COL22A1: variants seen among roughly 807,000 people sequenced by gnomAD.
The protein encoded by COL22A1 is collagen alpha-1(XXII) chain.
A neutral mutation model predicts 248.9 loss-of-function variants in COL22A1; 221 were observed. That is an observed-to-expected ratio of 0.89 (90% CI 0.80 to 0.99). The LOEUF (loss-of-function observed/expected upper bound fraction) is 0.99, where lower values mean the gene tolerates loss of function less well. COL22A1 is among the 50% of genes least tolerant of loss of function. The pLI is 0.00. For synonymous variants in COL22A1, 891 were observed against 793.4 expected, an observed-to-expected ratio of 1.12 and a Z score of -2.07; for missense variants, 2,240 against 2,179.0, an observed-to-expected ratio of 1.03 and a Z score of -0.56.
chr8:138,902,146 C>T (rs147942342), intron 1 of COL22A1, among the ~76,000 whole-genome samples: 76 of 152,236 alleles, frequency 5.0e-4, no homozygotes, highest in Non-Finnish European at 1.6e-4. Flanking sequence ...GTGAGGCGCT[C>T]CATGAGAGAG....
At chr8:138,750,055 G>T (rs1832462082) in intron 22 of COL22A1, among the ~76,000 whole-genome samples, 1 of 151,974 alleles carries the variant, frequency 6.6e-6, no homozygotes, top group East Asian at 1.9e-4. Flanking sequence ...AGAGCTGATG[G>T]TTTTAAAAAC....
chr8:138,820,723 T>C (rs533400518), intron 7 of COL22A1, among the ~76,000 whole-genome samples: 2 of 152,352 alleles, frequency 1.3e-5, no homozygotes, highest in African/African-American at 4.8e-5. Flanking sequence ...TATATTCATA[T>C]ACATATGTAT....
Position 138,660,979 on chromosome 8 carries a change from CACACACAT to C in COL22A1, c.3241-507_3241-500del, listed in dbSNP as rs1330412865. On this transcript the variant is annotated intron_variant, in intron 43 of 64. Transcript: ENST00000303045. Reference sequence around the variant, plus strand: ...AGACACACACGCACACACACATACACACACACATACACACATACACATACACAGACACA... The same window carrying C: ...AGACACACACGCACACACACATACACACACACATACACATACACAGACACA... 2.7e-4 allele frequency among the ~76,000 whole-genome samples: 37 copies of C among 137,782 alleles called. 1 individual carries two copies. The highest frequency in any genetic ancestry group is 1.0e-3 in the African/African-American group (35 of 33,866). 90.4% of individuals were successfully genotyped at this position (137,782 alleles called of 152,430 possible).
chr8:138,597,252 T>G lies in COL22A1; in HGVS notation c.4366-282A>C, dbSNP rs114789734. The stretch of plus-strand genomic sequence containing the variant: ...CAGCGTATTCACTGGATTTCCTTCC[T>G]GCTGAAGCCACTGTGCCCATTAATT... On this transcript the variant is annotated intron_variant, in intron 61 of 64. Transcript: ENST00000303045. 1.4e-3 allele frequency among the ~76,000 whole-genome samples: 210 copies of G among 152,334 alleles called. 1 individual carries two copies. The highest frequency in any genetic ancestry group is 4.8e-3 in the African/African-American group (201 of 41,580).
At chr8:138,639,529 GT>G (rs1821480921) in intron 47 of COL22A1, among the ~76,000 whole-genome samples, 1 of 152,160 alleles carries the variant, frequency 6.6e-6, no homozygotes, top group South Asian at 2.1e-4. Flanking sequence ...TTCAGAAGAG[GT>G]TTATTAAAGA....
chr8:138,722,287 G>A (rs1341625525), intron 25 of COL22A1, 198 bp from the exon 26 acceptor site: 4 of 584,772 alleles, frequency 6.8e-6, no homozygotes, highest in Non-Finnish European at 1.2e-5. Context: ...TACTACTGAA[G>A]CAAATATCAC....
intron 5 of COL22A1, among the ~76,000 whole-genome samples, chr8:138,830,991 G>T (rs922685139): frequency 2.6e-5 from 4 of 152,150 alleles, no homozygotes; most frequent in African/African-American, 9.7e-5. Context: ...CTGGGAAAAT[G>T]ACTCTCTCAA....
chr8:138,666,290 T>A (rs1309823942), intron 41 of COL22A1, among the ~76,000 whole-genome samples: 3 of 152,202 alleles, frequency 2.0e-5, no homozygotes, highest in African/African-American at 7.2e-5. Flanking sequence ...GATGAATGAA[T>A]AACTCACACC....
intron 1 of COL22A1, among the ~76,000 whole-genome samples, chr8:138,886,128 G>A (rs1216017036): frequency 6.6e-6 from 1 of 152,112 alleles, no homozygotes; most frequent in Non-Finnish European, 1.5e-5. Flanking sequence ...TCTCCCCTCT[G>A]ATCCTTTGTC....
At chr8:138,660,955 GACACACACGCACA>G (rs1823856928) in intron 43 of COL22A1, among the ~76,000 whole-genome samples, 1 of 27,006 alleles carries the variant, frequency 3.7e-5, no homozygotes, top group African/African-American at 1.0e-4. Flanking sequence ...TAAACACACA[GACACACACGCACA>G]CACACATACA....
chr8:138,649,621 T>C, intron 46 of COL22A1, 44 bp downstream of exon 46: 1 of 1,583,272 alleles, frequency 6.3e-7, no homozygotes, highest in South Asian at 1.1e-5. Context: ...AGAATGATAT[T>C]TTCATTGTAA....
intron 1 of COL22A1, among the ~76,000 whole-genome samples, chr8:138,891,502 C>T (rs1376538067): frequency 6.6e-6 from 1 of 152,214 alleles, no homozygotes; most frequent in Non-Finnish European, 1.5e-5. Context: ...CTCATAAGTG[C>T]AGTAGCCACT....
chr8:138,607,129 C>T (rs947412402), intron 57 of COL22A1, among the ~76,000 whole-genome samples: 16 of 152,096 alleles, frequency 1.1e-4, no homozygotes, highest in African/African-American at 3.6e-4. Context: ...AGTAGGTTTC[C>T]CAGGATGCAG....
At chr8:138,696,614 G>A (rs906809225) in intron 32 of COL22A1, among the ~76,000 whole-genome samples, 12 of 152,208 alleles carry the variant, frequency 7.9e-5, no homozygotes, top group African/African-American at 2.9e-4. Context: ...TGATACGGCA[G>A]TTGGAGACCA....
intron 1 of COL22A1, among the ~76,000 whole-genome samples, chr8:138,900,166 A>T (rs1814436616): frequency 6.6e-6 from 1 of 152,238 alleles, no homozygotes; most frequent in Non-Finnish European, 1.5e-5. Flanking sequence ...GTCCCAGGCC[A>T]TTATGATCCT....
At position 138,722,041 on chromosome 8, in the gene COL22A1, T is replaced by C. The variant is rs780400414; in HGVS notation, c.2296A>G (p.Thr766Ala). The C allele has an allele frequency of 8.9e-6, 14 of 1,575,942 alleles. No homozygotes were observed. Among genetic ancestry groups the C allele is most frequent in the Middle Eastern group, 1.7e-4 (1 of 6,022 alleles). ...CAACCGCATCAGTGACCAACCTTGG[T>C]TCCTGGCGGACCTGGTGGTCCATTT... The part of the protein sequence containing the change: ...GPNGPPGPPG[T>A]KGEPGERGED... Residue 766 changes from threonine to alanine, a missense_variant, in exon 26 of 65, where the codon ACC becomes GCC. Coordinates refer to ENST00000303045, the MANE Select transcript of COL22A1 (RefSeq NM_152888.3).
chr8:138,858,430 G>T (rs1822206847), intron 3 of COL22A1, among the ~76,000 whole-genome samples: 1 of 151,916 alleles, frequency 6.6e-6, no homozygotes, highest in Non-Finnish European at 1.5e-5. Context: ...ACCCAGGCTG[G>T]AGTGCAGTGG....
chr8:138,748,035 G>T (rs750167671), intron 22 of COL22A1, among the ~76,000 whole-genome samples: 6 of 152,184 alleles, frequency 3.9e-5, no homozygotes, highest in Non-Finnish European at 7.3e-5. Context: ...GCACAAGCAA[G>T]TGTGCAGAGG....
At position 138,771,418 on chromosome 8, in the gene COL22A1, T is replaced by C. The variant is rs72729692; in HGVS notation, c.1803+4548A>G. Among the ~76,000 whole-genome samples, 601 of 152,330 alleles carry C rather than the reference T, an allele frequency of 3.9e-3. 2 individuals carry two copies. The highest frequency in any genetic ancestry group is 7.3e-3 in the Non-Finnish European group (497 of 68,034). ...AGGCCACAGGGCATCAGGAAACACA[T>C]GGCCTCTGCGCTCAGTTTCCCCCGC... On this transcript the variant is annotated intron_variant, in intron 16 of 64. Transcript: ENST00000303045.
Sources: allele counts gnomAD v4.1 joint callset (sites outside exome capture counted in the v4.1 genomes callset), GRCh38; gene constraint gnomAD v4.1.1; transcripts MANE v1.5; gene names NCBI Gene and HGNC (gene_info 2026-07-23, HGNC 2026-07-21).